EFHC2: variants seen among roughly 807,000 people sequenced by gnomAD.
EFHC2 encodes EF-hand domain containing 2, also known as EF-hand domain-containing family member C2.
Under a neutral mutation model 52.7 loss-of-function variants are expected in EFHC2, and 18 were observed. That is an observed-to-expected ratio of 0.34 (90% CI 0.24 to 0.51). The LOEUF is 0.51. EFHC2 is among the 20% of genes least tolerant of loss of function. The pLI is 0.97. For missense variants in EFHC2, 513 were observed against 562.5 expected (o/e 0.91, Z 0.89); for synonymous variants, 203 against 204.1 (o/e 0.99, Z 0.04).
intron 2 of EFHC2, among the ~76,000 whole-genome samples, chrX:44,276,718 T>G (rs2037660701): frequency 8.9e-6 from 1 of 112,255 alleles, no homozygotes; most frequent in African/African-American, 3.2e-5. Flanking sequence ...ACAGCTGGAT[T>G]TTAACATTAG....
At chrX:44,178,886 A>C (rs921179165) in intron 11 of EFHC2, among the ~76,000 whole-genome samples, 1 of 112,493 alleles carries the variant, frequency 8.9e-6, no homozygotes, top group African/African-American at 3.2e-5. Context: ...ATTACTAAGT[A>C]CATGACTTTA....
chrX:44,290,425 A>T (rs2037784821), intron 2 of EFHC2, among the ~76,000 whole-genome samples: 1 of 111,650 alleles, frequency 9.0e-6, no homozygotes, highest in African/African-American at 3.3e-5. Context: ...TGTAGAAAAC[A>T]TACTTTTAAA....
chrX:44,309,759 A>C (rs955142197), intron 2 of EFHC2: 2 of 989,072 alleles, frequency 2.0e-6, no homozygotes, highest in African/African-American at 3.8e-5. Context: ...ATATCGATGC[A>C]AAAGAACCAG....
chrX:44,240,016 A>C (rs1166557900), intron 8 of EFHC2, among the ~76,000 whole-genome samples: 1 of 112,177 alleles, frequency 8.9e-6, no homozygotes, highest in Admixed American at 9.4e-5. Context: ...TAACCTCATA[A>C]TAATAGCACC....
intron 13 of EFHC2, among the ~76,000 whole-genome samples, chrX:44,172,848 G>A (rs942128219): frequency 1.8e-5 from 2 of 111,684 alleles, no homozygotes; most frequent in African/African-American, 3.3e-5. Context: ...ATGGATAATC[G>A]CTACCACTAT....
Position 44,312,756 on chromosome X carries a change from C to A in EFHC2, c.43G>T (p.Val15Leu). Reference protein sequence around the residue: ...LLPGNSFNRNVGKEKFHKSQH... With the variant: ...LLPGNSFNRNLGKEKFHKSQH... ...GATTTGTGAAACTTCTCCTTTCCCACCTGTGAACATAAGAGACAACATAAA... is the reference window on the plus strand; with the variant it reads ...GATTTGTGAAACTTCTCCTTTCCCAACTGTGAACATAAGAGACAACATAAA... The change falls in exon 2 of 15, where the codon GTG becomes TTG. Residue 15 changes from valine (V) to leucine (L), a missense_variant and splice_region_variant. By Grantham distance (32) the Val-to-Leu change is conservative. Coordinates refer to ENST00000420999, the MANE Select transcript of EFHC2 (RefSeq NM_025184.4). 8.4e-7 allele frequency: 1 copy of A among 1,193,228 alleles called. No individual in the cohort carries two copies. The highest frequency in any genetic ancestry group is 1.9e-5 in the South Asian group (1 of 52,762).
chrX:44,230,261 C>T (rs181443895), intron 10 of EFHC2, among the ~76,000 whole-genome samples: 89 of 111,860 alleles, frequency 8.0e-4, no homozygotes, highest in South Asian at 3.0e-3. Flanking sequence ...AGCACCCTAA[C>T]CCTCGCACAG....
At chrX:44,264,638 T>C (rs1209847269) in intron 3 of EFHC2, among the ~76,000 whole-genome samples, 1 of 112,393 alleles carries the variant, frequency 8.9e-6, no homozygotes, top group Non-Finnish European at 1.9e-5. Context: ...ACGTCACAAT[T>C]CCATATTAAT....
At chrX:44,213,082 CAAAA>C (rs57451313) in intron 11 of EFHC2, among the ~76,000 whole-genome samples, 2 of 59,311 alleles carry the variant, frequency 3.4e-5, no homozygotes, top group Non-Finnish European at 3.2e-5. Flanking sequence ...TGCTAAAAGG[CAAAA>C]AAAAAAAAAA....
chrX:44,251,651 AAAAAAAG>A (rs1193487095), intron 4 of EFHC2, among the ~76,000 whole-genome samples: 1 of 89,467 alleles, frequency 1.1e-5, no homozygotes, highest in Non-Finnish European at 2.2e-5. Context: ...AAAAAAGATT[AAAAAAAG>A]AAAAAACTAT....
chrX:44,164,033 A>G lies in EFHC2; in HGVS notation c.2043-6T>C. 1 of 1,051,399 alleles carries G rather than the reference A, an allele frequency of 9.5e-7. No individual in the cohort carries two copies. The highest frequency in any genetic ancestry group is 1.3e-6 in the Non-Finnish European group (1 of 792,620). The allele number at this position is 1,051,399 out of a possible 1,213,427, so 86.6% of individuals were successfully genotyped here. Reference sequence around the variant, plus strand: ...GTTTTTCACTGTCTTCAAACCTGAAAATATAATTATAATATATAATTTGAC... The same window carrying G: ...GTTTTTCACTGTCTTCAAACCTGAAGATATAATTATAATATATAATTTGAC... On this transcript the variant is annotated splice_region_variant and splice_polypyrimidine_tract_variant and intron_variant, in intron 13 of 14. Transcript: ENST00000420999.
chrX:44,278,706 G>A (rs1435353044), intron 2 of EFHC2, among the ~76,000 whole-genome samples: 1 of 111,516 alleles, frequency 9.0e-6, no homozygotes, highest in Non-Finnish European at 1.9e-5. Flanking sequence ...ACATAAGGAT[G>A]AAGAATAAAA....
At chrX:44,239,728 C>A (rs962298891) in intron 8 of EFHC2, among the ~76,000 whole-genome samples, 6 of 111,794 alleles carry the variant, frequency 5.4e-5, no homozygotes, top group African/African-American at 1.9e-4. Flanking sequence ...ACATAGTAAC[C>A]ACTAATGGCT....
intron 1 of EFHC2, among the ~76,000 whole-genome samples, chrX:44,313,727 G>A (rs1269545626): frequency 9.0e-6 from 1 of 111,283 alleles, no homozygotes; most frequent in Non-Finnish European, 1.9e-5. Flanking sequence ...GCTGAGGCGG[G>A]AGGATCACCT....
chrX:44,266,378 C>T (rs1237287738), intron 3 of EFHC2, among the ~76,000 whole-genome samples: 1 of 109,802 alleles, frequency 9.1e-6, no homozygotes, highest in African/African-American at 3.3e-5. Context: ...TTTTTTTCAC[C>T]CAGGCTGGAG....
chrX:44,222,484 C>G (rs1280005965), intron 11 of EFHC2, among the ~76,000 whole-genome samples: 2 of 111,852 alleles, frequency 1.8e-5, no homozygotes, highest in Non-Finnish European at 3.8e-5. Context: ...GTTTTTAATC[C>G]AATACCTTCA....
chrX:44,301,987 A>C (rs1433320261), intron 2 of EFHC2, among the ~76,000 whole-genome samples: 2 of 112,198 alleles, frequency 1.8e-5, no homozygotes, highest in Admixed American at 1.9e-4. Context: ...CATTTCACAC[A>C]GAAGTTTTTG....
At chrX:44,222,311 G>C (rs1342156097) in intron 11 of EFHC2, among the ~76,000 whole-genome samples, 1 of 111,379 alleles carries the variant, frequency 9.0e-6, no homozygotes, top group Non-Finnish European at 1.9e-5. Flanking sequence ...GAGGGCAAGT[G>C]CCATTCACCC....
Position 44,242,276 on chromosome X carries a change from T to A in EFHC2, c.1125A>T (p.Ser375=). The A allele has an allele frequency of 1.7e-6, 2 of 1,207,025 alleles. No homozygotes were observed. Among genetic ancestry groups the A allele is most frequent in the Non-Finnish European group, 2.2e-6 (2 of 893,573 alleles). Residue 375 remains serine (S), a synonymous_variant, in exon 8 of 15, where the codon TCA becomes TCT. Coordinates refer to ENST00000420999, the MANE Select transcript of EFHC2 (RefSeq NM_025184.4). ...KSKYGIENFT[S]VSCKPPSPPP... is the part of the protein sequence containing the mutation. ...GAGGAGAAGGAGGCTTGCATGAAAC[T>A]GAGGTAAAGTTCTCTAGAACAAAAC...
Sources: gnomAD v4.1 joint callset for allele counts (sites outside exome capture counted in the v4.1 genomes callset) on GRCh38, gnomAD v4.1.1 for gene constraint, MANE v1.5 for transcripts, NCBI Gene and HGNC (gene_info 2026-07-23, HGNC 2026-07-21) for gene names.